Variants in ZNF367 observed in about 807,000 individuals in gnomAD.
ZNF367 encodes the protein zinc finger protein 367.
In ZNF367, 11 loss-of-function variants were observed where a neutral mutation model predicts 31.8. The ratio of observed to expected loss-of-function variants is 0.35; its 90% CI spans 0.22 to 0.57. The LOEUF is 0.57. ZNF367 is among the 20% of genes least tolerant of loss of function. The probability of loss-of-function intolerance (pLI) is 0.85; values close to 1 mark genes in which losing one functional copy is unlikely to be tolerated. For synonymous variants in ZNF367, 199 were observed against 202.4 expected (o/e 0.98, Z 0.14); for missense variants, 353 against 484.1 (o/e 0.73, Z 2.54).
At chr9:96,407,514 G>A (rs573378236) in intron 1 of ZNF367, 474 of 1,279,186 alleles carry the variant, frequency 3.7e-4, no homozygotes, top group Non-Finnish European at 5.1e-4. Flanking sequence ...CCAAACAAAA[G>A]AATGATGAAA....
intron 1 of ZNF367, among the ~76,000 whole-genome samples, chr9:96,401,234 A>G (rs936822964): frequency 6.6e-6 from 1 of 152,110 alleles, no homozygotes; most frequent in Non-Finnish European, 1.5e-5. Flanking sequence ...CAAAAGGAAA[A>G]GAAAGTGGTT....
chr9:96,397,552 G>A (rs963019556), intron 2 of ZNF367, among the ~76,000 whole-genome samples: 7 of 152,086 alleles, frequency 4.6e-5, no homozygotes, highest in Non-Finnish European at 8.8e-5. Flanking sequence ...AGTATATCAA[G>A]TACAATTTGG....
At chr9:96,412,698 T>C (rs1203851522) in intron 1 of ZNF367, among the ~76,000 whole-genome samples, 1 of 77,888 alleles carries the variant, frequency 1.3e-5, no homozygotes, top group African/African-American at 8.7e-5. Context: ...TTTTCTTTTC[T>C]TTTTTTTTTT....
chr9:96,389,603 G>T (rs1406349201), intron 4 of ZNF367, among the ~76,000 whole-genome samples: 2 of 151,904 alleles, frequency 1.3e-5, no homozygotes, highest in Non-Finnish European at 2.9e-5. Context: ...TTGTGGAGAT[G>T]GTGTCACAGT....
intron 4 of ZNF367, among the ~76,000 whole-genome samples, chr9:96,389,751 A>T (rs1278510681): frequency 1.3e-5 from 2 of 152,082 alleles, no homozygotes; most frequent in African/African-American, 4.8e-5. Context: ...ATTTTTCGAG[A>T]CAGAGTCTCA....
chr9:96,407,213 CTTT>C (rs1275927520), intron 1 of ZNF367: 15 of 772,742 alleles, frequency 1.9e-5, no homozygotes, highest in Non-Finnish European at 3.4e-5. Flanking sequence ...GCTTGTGGGT[CTTT>C]GAGACCCGAA....
At chr9:96,412,011 T>C (rs936328093) in intron 1 of ZNF367, among the ~76,000 whole-genome samples, 2 of 152,150 alleles carry the variant, frequency 1.3e-5, no homozygotes, top group African/African-American at 2.4e-5. Context: ...AGTGCATTAT[T>C]TTAGCTCAGA....
chr9:96,407,467 AAAAAAAGACT>A, intron 1 of ZNF367: 1 of 1,335,166 alleles, frequency 7.5e-7, no homozygotes, highest in Non-Finnish European at 1.1e-6. Flanking sequence ...AATATAAATG[AAAAAAAGACT>A]ATCAAAGATG....
At chr9:96,403,407 T>C (rs1399579665) in intron 1 of ZNF367, among the ~76,000 whole-genome samples, 1 of 152,240 alleles carries the variant, frequency 6.6e-6, no homozygotes, top group African/African-American at 2.4e-5. Context: ...TTAAAATTGA[T>C]AAGATAGCAA....
intron 1 of ZNF367, 67 bp from the exon 2 acceptor site, chr9:96,398,381 A>C (rs1831560823): frequency 2.1e-6 from 3 of 1,422,842 alleles, no homozygotes; most frequent in Non-Finnish European, 2.9e-6. Context: ...AACGTATCAT[A>C]ATATAACTTT....
Position 96,386,818 on chromosome 9 carries a change from T to C in ZNF367, c.*1419A>G, listed in dbSNP as rs1831413023. The C allele has an allele frequency of 6.6e-6, 1 of 152,194 alleles. No homozygotes were observed. The highest frequency in any genetic ancestry group is 2.4e-5 in the African/African-American group (1 of 41,466). The allele number at this position is 152,194 out of a possible 1,614,324, so 9.4% of individuals were successfully genotyped here. ...TTGGATAAAGAAGCCTACTTTGTAA[T>C]GTTTAAACTACATCTGTAGGAACGT... On this transcript the variant is annotated 3_prime_UTR_variant, in exon 5 of 5. Transcript: ENST00000375256.
chr9:96,391,747 C>T (rs1831474508), intron 4 of ZNF367, among the ~76,000 whole-genome samples: 1 of 152,116 alleles, frequency 6.6e-6, no homozygotes, highest in South Asian at 2.1e-4. Context: ...GAACCACTAA[C>T]ATCTATCCCT....
chr9:96,389,745 T>G (rs1439916122), intron 4 of ZNF367, among the ~76,000 whole-genome samples: 1 of 151,974 alleles, frequency 6.6e-6, no homozygotes, highest in Non-Finnish European at 1.5e-5. Context: ...TATTTTATTT[T>G]TCGAGACAGA....
intron 4 of ZNF367, among the ~76,000 whole-genome samples, chr9:96,389,399 T>C (rs1309915480): frequency 6.6e-6 from 1 of 152,034 alleles, no homozygotes; most frequent in Non-Finnish European, 1.5e-5. Flanking sequence ...ATAGTAGCTT[T>C]ATATGTAATA....
intron 1 of ZNF367, among the ~76,000 whole-genome samples, chr9:96,412,677 TTC>T (rs1408277966): frequency 1.3e-5 from 2 of 151,086 alleles, no homozygotes; most frequent in South Asian, 2.1e-4. Context: ...TAGTATGTAT[TTC>T]TTTTTTCTTT....
chr9:96,392,323 G>T (rs763027286), intron 4 of ZNF367, 75 bp downstream of exon 4: 151 of 1,594,538 alleles, frequency 9.5e-5, no homozygotes, highest in Non-Finnish European at 1.3e-4. Flanking sequence ...AAAATGAGAG[G>T]CATGTCCAGG....
intron 2 of ZNF367, among the ~76,000 whole-genome samples, chr9:96,396,991 T>C (rs558503441): frequency 3.3e-5 from 5 of 152,290 alleles, no homozygotes; most frequent in African/African-American, 1.2e-4. Context: ...AATAATGTAT[T>C]TTATTTAATC....
Position 96,400,392 on chromosome 9 carries a change from CAAAAAAAAA to C in ZNF367, c.421-2087_421-2079del, listed in dbSNP as rs57650386. On this transcript the variant is annotated intron_variant, in intron 1 of 4. Coordinates refer to ENST00000375256, the MANE Select transcript of ZNF367 (RefSeq NM_153695.4). ...TGGGCAATAGAGCAAGACCCTGTCT[CAAAAAAAAA>C]AAAAAAAAAAAGGAAAAGAAAAAGG... Among the ~76,000 whole-genome samples the C allele has an allele frequency of 5.6e-5, 4 of 71,878 alleles. No individual in the cohort carries two copies. In the South Asian group the frequency reaches 1.5e-3, roughly 26 times the overall value. 47.2% of individuals were successfully genotyped at this position (71,878 alleles called of 152,430 possible).
At chr9:96,407,730 T>C in intron 1 of ZNF367, 3 of 1,374,096 alleles carry the variant, frequency 2.2e-6, no homozygotes, top group Non-Finnish European at 3.0e-6. Flanking sequence ...GGATAGTTAC[T>C]AACGTGTGCT....
Sources: allele counts gnomAD v4.1 joint callset (sites outside exome capture counted in the v4.1 genomes callset), GRCh38; gene constraint gnomAD v4.1.1; transcripts MANE v1.5; gene names NCBI Gene and HGNC (gene_info 2026-07-23, HGNC 2026-07-21).